Variants in ADAM23 observed in about 807,000 individuals in gnomAD.
ADAM23 encodes the protein disintegrin and metalloproteinase domain-containing protein 23.
In ADAM23, 33 loss-of-function variants were observed where a neutral mutation model predicts 120.1. That is an observed-to-expected ratio of 0.27 (90% CI 0.21 to 0.37). The LOEUF (loss-of-function observed/expected upper bound fraction) is 0.37, where lower values mean the gene tolerates loss of function less well. Ranked by LOEUF, ADAM23 falls within the 10% of genes least tolerant of loss-of-function variation. ADAM23 has a pLI of 1.00. For missense variants in ADAM23, 862 were observed against 1,058.2 expected (o/e 0.81, Z 2.57); for synonymous variants, 367 against 375.2 (o/e 0.98, Z 0.25).
chr2:206,581,442 G>A (rs190611054), intron 18 of ADAM23, among the ~76,000 whole-genome samples: 209 of 152,230 alleles, frequency 1.4e-3, no homozygotes, highest in Admixed American at 3.1e-3. Flanking sequence ...CATTCAGTTC[G>A]AAGAATGTTT....
intron 25 of ADAM23, among the ~76,000 whole-genome samples, chr2:206,613,401 G>C (rs1194187166): frequency 6.6e-6 from 1 of 152,180 alleles, no homozygotes; most frequent in Admixed American, 6.5e-5. Flanking sequence ...AGGTTACTAA[G>C]GGTATGATTA....
At position 206,561,042 on chromosome 2, in the gene ADAM23, C is replaced by G. The variant is rs1012074370; in HGVS notation, c.1170-86C>G. On this transcript the variant is annotated intron_variant, in intron 11 of 25. Transcript: ENST00000264377. Reference sequence around the variant, plus strand: ...TGGAGGAGGATGGTTTGGGGGTGTTCCATGTAGGAGGGTAGACATATTTTG... The same window carrying G: ...TGGAGGAGGATGGTTTGGGGGTGTTGCATGTAGGAGGGTAGACATATTTTG... 4.6e-5 allele frequency: 52 copies of G among 1,139,118 alleles called. 3 individuals carry two copies. In the South Asian group the frequency reaches 5.0e-4, roughly 11 times the overall value. 70.6% of individuals were successfully genotyped at this position (1,139,118 alleles called of 1,614,324 possible).
chr2:206,478,766 T>C (rs747097746), intron 2 of ADAM23, among the ~76,000 whole-genome samples: 3 of 152,242 alleles, frequency 2.0e-5, no homozygotes, highest in Non-Finnish European at 2.9e-5. Context: ...TTTAAAAAGC[T>C]TATTTTTCTC....
rs555652565 is a variant in ADAM23 at position 206,618,691 on chromosome 2, G to A, written c.*1064G>A. On this transcript the variant is annotated 3_prime_UTR_variant, in exon 26 of 26. Coordinates refer to ENST00000264377, the MANE Select transcript of ADAM23 (RefSeq NM_003812.4). ...AACACGTGCAGTTTAAAGTTGGTGT[G>A]CGTTAAACCAAAAATAAAAGGGGGG... The A allele has an allele frequency of 1.3e-5, 2 of 152,182 alleles. No homozygotes were observed. Among genetic ancestry groups the A allele is most frequent in the Admixed American group, 6.5e-5 (1 of 15,288 alleles). The allele number at this position is 152,182 out of a possible 1,614,324, so 9.4% of individuals were successfully genotyped here. A position where few individuals can be genotyped will look rare whatever the true frequency, so the allele number is the denominator to read the frequency against.
At chr2:206,557,605 C>G in intron 10 of ADAM23, 107 bp downstream of exon 10, 1 of 1,036,730 alleles carries the variant, frequency 9.6e-7, no homozygotes, top group Non-Finnish European at 1.5e-6. Flanking sequence ...AAACACAATC[C>G]TGAAGCTCAT....
intron 3 of ADAM23, among the ~76,000 whole-genome samples, chr2:206,491,164 C>T (rs1357050004): frequency 1.3e-5 from 2 of 151,990 alleles, no homozygotes; most frequent in South Asian, 2.1e-4. Flanking sequence ...CTGCCCCTAC[C>T]CCTGCTTGCC....
At chr2:206,526,501 T>C (rs1696950988) in intron 3 of ADAM23, among the ~76,000 whole-genome samples, 1 of 152,188 alleles carries the variant, frequency 6.6e-6, no homozygotes, top group Non-Finnish European at 1.5e-5. Flanking sequence ...TGAAAGGGTC[T>C]AGGCTGCATT....
Position 206,571,406 on chromosome 2 carries a change from C to T in ADAM23, c.1567-321C>T, listed in dbSNP as rs952703701. ...AGGAGAATGGCATGAACCCGGGAGG[C>T]GGAGGTTGCAGTGAGCCAAGATAGT... On this transcript the variant is annotated intron_variant, in intron 16 of 25. Coordinates refer to ENST00000264377, the MANE Select transcript of ADAM23 (RefSeq NM_003812.4). Among the ~76,000 whole-genome samples, 6 of 151,856 alleles carry T rather than the reference C, an allele frequency of 4.0e-5. 1 individual carries two copies. The highest frequency in any genetic ancestry group is 1.9e-4 in the East Asian group (1 of 5,176).
intron 3 of ADAM23, among the ~76,000 whole-genome samples, chr2:206,516,338 A>G (rs951500135): frequency 6.6e-6 from 1 of 151,976 alleles, no homozygotes; most frequent in African/African-American, 2.4e-5. Context: ...TTTTTCTAAC[A>G]TTCCACAAAA....
At chr2:206,617,251 C>T (rs1025245641) in intron 25 of ADAM23, among the ~76,000 whole-genome samples, 2 of 152,130 alleles carry the variant, frequency 1.3e-5, no homozygotes, top group African/African-American at 4.8e-5. Flanking sequence ...ATAATTTTCA[C>T]CTAATGAATT....
chr2:206,556,351 T>C (rs1574531712), intron 9 of ADAM23, among the ~76,000 whole-genome samples: 1 of 152,270 alleles, frequency 6.6e-6, no homozygotes, highest in Admixed American at 6.5e-5. Context: ...AAAAGTTATA[T>C]ATAGGGTGCG....
intron 1 of ADAM23, among the ~76,000 whole-genome samples, chr2:206,444,284 A>G (rs1200323469): frequency 6.6e-6 from 1 of 152,238 alleles, no homozygotes; most frequent in Non-Finnish European, 1.5e-5. Flanking sequence ...GCATTCGCGA[A>G]AAACCCATTC....
rs1697445252 is a variant in ADAM23 at position 206,548,423 on chromosome 2, TTATC to T, written c.867+72_867+75del. 2.1e-6 allele frequency: 3 copies of T among 1,452,290 alleles called. 1 individual carries two copies. The South Asian group carries it at 3.4e-5, about 17-fold the overall frequency. The allele number at this position is 1,452,290 out of a possible 1,614,324, so 90.0% of individuals were successfully genotyped here. ...GAAGTCATGTGCCTATCACCCCACA[TTATC>T]TAAGTGTACCTAAAACAGTTCAGAT... On this transcript the variant is annotated intron_variant, in intron 8 of 25. Transcript: ENST00000264377.
At chr2:206,444,804 TA>T (rs1054750562) in intron 1 of ADAM23, among the ~76,000 whole-genome samples, 5 of 152,214 alleles carry the variant, frequency 3.3e-5, no homozygotes, top group Admixed American at 3.3e-4. Context: ...TCCATTTTGT[TA>T]AAAGAGTCGA....
chr2:206,458,491 G>A (rs1695347794), intron 2 of ADAM23, among the ~76,000 whole-genome samples: 1 of 152,182 alleles, frequency 6.6e-6, no homozygotes, highest in South Asian at 2.1e-4. Context: ...ACTACATTGG[G>A]ATGCACATGA....
At chr2:206,512,579 G>T (rs1696645389) in intron 3 of ADAM23, among the ~76,000 whole-genome samples, 2 of 152,126 alleles carry the variant, frequency 1.3e-5, no homozygotes, top group Admixed American at 6.6e-5. Context: ...ACCCTTTTTA[G>T]AATTATTGGA....
At chr2:206,501,888 A>G (rs536919564) in intron 3 of ADAM23, among the ~76,000 whole-genome samples, 3 of 152,292 alleles carry the variant, frequency 2.0e-5, no homozygotes, top group African/African-American at 7.2e-5. Flanking sequence ...TTTTATTTCT[A>G]AAATTTCATT....
At chr2:206,610,181 TCAGG>T (rs909527580) in intron 25 of ADAM23, among the ~76,000 whole-genome samples, 181 bp downstream of exon 25, 14 of 152,228 alleles carry the variant, frequency 9.2e-5, no homozygotes, top group African/African-American at 3.1e-4. Flanking sequence ...ACTGTCATTT[TCAGG>T]CAAGTGGAAA....
intron 3 of ADAM23, among the ~76,000 whole-genome samples, chr2:206,482,007 A>G (rs963570835): frequency 6.6e-6 from 1 of 152,208 alleles, no homozygotes; most frequent in African/African-American, 2.4e-5. Flanking sequence ...AGTTACAGAA[A>G]TTATAGTCAG....
Sources: allele counts gnomAD v4.1 joint callset (sites outside exome capture counted in the v4.1 genomes callset), GRCh38; gene constraint gnomAD v4.1.1; transcripts MANE v1.5; gene names NCBI Gene and HGNC (gene_info 2026-07-23, HGNC 2026-07-21).